The following RAB3C variants were observed in gnomAD, a reference collection of about 807,000 sequenced individuals.
RAB3C encodes ras-related protein Rab-3C.
Under a neutral mutation model 26.4 loss-of-function variants are expected in RAB3C, and 17 were observed. The observed-to-expected ratio is 0.64, with a 90% CI of 0.44 to 0.97. RAB3C has a LOEUF of 0.97. Among genes scored for constraint, RAB3C ranks in the 50% least tolerant of loss-of-function variants. RAB3C has a pLI of 0.00. For synonymous variants in RAB3C, 91 were observed against 95.9 expected, an observed-to-expected ratio of 0.95 and a Z score of 0.30; for missense variants, 242 against 281.9, an observed-to-expected ratio of 0.86 and a Z score of 1.01.
chr5:58,792,724 T>C (rs1742556804), intron 3 of RAB3C, among the ~76,000 whole-genome samples: 1 of 152,094 alleles, frequency 6.6e-6, no homozygotes, highest in Non-Finnish European at 1.5e-5. Flanking sequence ...GAATGAATAA[T>C]AATAGCCTGA....
At chr5:58,843,752 T>C (rs756565544) in intron 4 of RAB3C, among the ~76,000 whole-genome samples, 1 of 152,220 alleles carries the variant, frequency 6.6e-6, no homozygotes, top group Non-Finnish European at 1.5e-5. Flanking sequence ...AAACGATATT[T>C]TGTGAAATTC....
At chr5:58,615,174 A>G (rs1313629177) in intron 1 of RAB3C, among the ~76,000 whole-genome samples, 1 of 152,040 alleles carries the variant, frequency 6.6e-6, no homozygotes, top group Non-Finnish European at 1.5e-5. Context: ...CTTCATTACA[A>G]CTTTTGAGGT....
intron 2 of RAB3C, among the ~76,000 whole-genome samples, chr5:58,709,837 A>G (rs1291535414): frequency 6.6e-6 from 1 of 152,212 alleles, no homozygotes; most frequent in African/African-American, 2.4e-5. Flanking sequence ...TGATTTCAAC[A>G]TATCCAAAAA....
Position 58,596,457 on chromosome 5 carries a change from G to A in RAB3C, c.24+13225G>A, listed in dbSNP as rs181855647. ...GAGGTTTAGGGAAAGGATGGTGATC[G>A]CCACATATGCAAGATTTTACATATA... On this transcript the variant is annotated intron_variant, in intron 1 of 4. Coordinates refer to ENST00000282878, the MANE Select transcript of RAB3C (RefSeq NM_138453.4). Among the ~76,000 whole-genome samples the A allele has an allele frequency of 1.3e-3, 191 of 142,564 alleles. 1 individual carries two copies. Among genetic ancestry groups the A allele is most frequent in the Middle Eastern group, 3.6e-3 (1 of 276 alleles). 93.5% of individuals were successfully genotyped at this position (142,564 alleles called of 152,430 possible). A position where few individuals can be genotyped will look rare whatever the true frequency, so the allele number is the denominator to read the frequency against.
At chr5:58,844,626 T>C (rs767489814) in intron 4 of RAB3C, among the ~76,000 whole-genome samples, 4 of 152,142 alleles carry the variant, frequency 2.6e-5, no homozygotes, top group Non-Finnish European at 5.9e-5. Context: ...TTCTGGCCCA[T>C]CCAGTTCCAC....
At chr5:58,786,750 T>G (rs1475531477) in intron 3 of RAB3C, among the ~76,000 whole-genome samples, 1 of 151,580 alleles carries the variant, frequency 6.6e-6, no homozygotes, top group African/African-American at 2.4e-5. Context: ...ATCTAGGAAG[T>G]AAAGAACATG....
At chr5:58,749,433 A>G (rs555431727) in intron 3 of RAB3C, among the ~76,000 whole-genome samples, 43 of 152,328 alleles carry the variant, frequency 2.8e-4, no homozygotes, top group Non-Finnish European at 4.9e-4. Context: ...CAAAAGAAAA[A>G]GACATATAAA....
intron 3 of RAB3C, among the ~76,000 whole-genome samples, chr5:58,806,063 G>C (rs1236438636): frequency 6.6e-6 from 1 of 152,298 alleles, no homozygotes; most frequent in East Asian, 1.9e-4. Flanking sequence ...ATGTAAAAGA[G>C]AAAGAGGAGG....
chr5:58,781,794 C>T (rs1345447258), intron 3 of RAB3C, among the ~76,000 whole-genome samples: 1 of 152,032 alleles, frequency 6.6e-6, no homozygotes, highest in Non-Finnish European at 1.5e-5. Flanking sequence ...TCTAGTTCTC[C>T]ATCCCACCCT....
intron 3 of RAB3C, among the ~76,000 whole-genome samples, chr5:58,776,110 C>G (rs1742135634): frequency 6.6e-6 from 1 of 152,072 alleles, no homozygotes; most frequent in South Asian, 2.1e-4. Flanking sequence ...GGAACTCACT[C>G]TCTCAGCCAC....
At chr5:58,787,286 T>A (rs772166609) in intron 3 of RAB3C, among the ~76,000 whole-genome samples, 49 of 152,320 alleles carry the variant, frequency 3.2e-4, no homozygotes, top group Non-Finnish European at 1.2e-4. Context: ...CTATGTAAAT[T>A]GTAAGCATTT....
At chr5:58,604,223 A>C (rs1300761956) in intron 1 of RAB3C, among the ~76,000 whole-genome samples, 3 of 152,218 alleles carry the variant, frequency 2.0e-5, no homozygotes, top group Admixed American at 1.3e-4. Flanking sequence ...CAGAGGGTAC[A>C]GTGGATTCTG....
At chr5:58,588,959 A>C (rs1381743583) in intron 1 of RAB3C, among the ~76,000 whole-genome samples, 1 of 152,186 alleles carries the variant, frequency 6.6e-6, no homozygotes, top group African/African-American at 2.4e-5. Context: ...ACGTGATGAC[A>C]GCGGACATCC....
intron 3 of RAB3C, among the ~76,000 whole-genome samples, chr5:58,763,246 C>T (rs114805763): frequency 0.014 from 2,083 of 152,224 alleles, 21 homozygotes; most frequent in South Asian, 0.048. Context: ...TGTACATAAT[C>T]TGATAATCAA....
intron 3 of RAB3C, among the ~76,000 whole-genome samples, chr5:58,760,939 T>A (rs1741781798): frequency 1.3e-5 from 2 of 152,120 alleles, no homozygotes; most frequent in South Asian, 4.1e-4. Flanking sequence ...ATAACGAGCA[T>A]CACTTAAACA....
At chr5:58,666,196 ATGTCCC>A (rs2111815514) in intron 2 of RAB3C, among the ~76,000 whole-genome samples, 1 of 152,314 alleles carries the variant, frequency 6.6e-6, no homozygotes, top group South Asian at 2.1e-4. Context: ...GTAATATTCA[ATGTCCC>A]TCAGGAAATT....
chr5:58,760,533 A>T (rs937732077), intron 3 of RAB3C, among the ~76,000 whole-genome samples: 2 of 152,202 alleles, frequency 1.3e-5, no homozygotes, highest in African/African-American at 4.8e-5. Context: ...CAAAAAAGGG[A>T]TCACCAAAAC....
At chr5:58,737,105 C>T (rs1392972362) in intron 3 of RAB3C, among the ~76,000 whole-genome samples, 1 of 152,050 alleles carries the variant, frequency 6.6e-6, no homozygotes, top group African/African-American at 2.4e-5. Context: ...CTTATCTTCT[C>T]CACATGCCAC....
chr5:58,695,020 A>C (rs1336038416), intron 2 of RAB3C, among the ~76,000 whole-genome samples: 1 of 152,076 alleles, frequency 6.6e-6, no homozygotes, highest in African/African-American at 2.4e-5. Flanking sequence ...TTATGTCCTG[A>C]ATGGTATTGC....
Sources: allele counts gnomAD v4.1 joint callset (sites outside exome capture counted in the v4.1 genomes callset), GRCh38; gene constraint gnomAD v4.1.1; transcripts MANE v1.5; gene names NCBI Gene and HGNC (gene_info 2026-07-23, HGNC 2026-07-21).